The following ENO3 variants were observed in gnomAD, a reference collection of about 807,000 sequenced individuals.
The protein encoded by ENO3 is beta-enolase.
Under a neutral mutation model 47.7 loss-of-function variants are expected in ENO3, and 46 were observed. That is an observed-to-expected ratio of 0.96 (90% confidence interval 0.76 to 1.23). The LOEUF (loss-of-function observed/expected upper bound fraction) is 1.23, where lower values mean the gene tolerates loss of function less well. ENO3 is among the 50% of genes most tolerant of loss of function. ENO3 has a pLI of 0.00. For missense variants in ENO3, 575 were observed against 566.2 expected (o/e 1.02, Z -0.16); for synonymous variants, 223 against 225.9 (o/e 0.99, Z 0.11).
intron 6 of ENO3, among the ~76,000 whole-genome samples, chr17:4,954,766 A>G (rs529122088): frequency 5.3e-5 from 8 of 152,210 alleles, no homozygotes; most frequent in African/African-American, 1.7e-4. Flanking sequence ...TACAAAAATT[A>G]GCCAGGCATG....
chr17:4,954,411 G>A (rs1971651969), intron 6 of ENO3, among the ~76,000 whole-genome samples: 1 of 152,130 alleles, frequency 6.6e-6, no homozygotes, highest in African/African-American at 2.4e-5. Context: ...TGTAAAATGG[G>A]GGGTAATAAC....
At chr17:4,952,487 C>G (rs1971571378) in intron 2 of ENO3, 3 of 376,506 alleles carry the variant, frequency 8.0e-6, no homozygotes, top group African/African-American at 4.2e-5. Flanking sequence ...GGGACTACAG[C>G]TAATTTTTTG....
rs1344109073 is a variant in ENO3, at chr17:4,956,829, A to G, written c.1177-2A>G. ...CCCTCCAAATTCTTCTTCCCTCATC[A>G]GATCAAGACTGGCGCCCCCTGCCGC... On this transcript the variant is annotated splice_acceptor_variant, in intron 10 of 11. Coordinates refer to ENST00000519602, the MANE Select transcript of ENO3 (RefSeq NM_053013.4). LOFTEE classifies it high-confidence loss of function. The G allele has an allele frequency of 6.2e-7, 1 of 1,614,146 alleles. No homozygotes were observed. The highest frequency in any genetic ancestry group is 8.5e-7 in the Non-Finnish European group (1 of 1,180,028).
chr17:4,953,417 G>A (rs976191496), intron 5 of ENO3, 76 bp downstream of exon 5: 1 of 1,593,576 alleles, frequency 6.3e-7, no homozygotes, highest in African/African-American at 1.3e-5. Context: ...GAGGCCTGAT[G>A]GGTTATTTCT....
chr17:4,955,828 TCTGTCTCTGCC>T lies in ENO3; in HGVS notation c.866-81_866-71del, dbSNP rs1194633413. 4,226 of 611,446 alleles carry T rather than the reference TCTGTCTCTGCC, an allele frequency of 6.9e-3. 85 individuals are homozygous for T. The highest frequency in any genetic ancestry group is 0.069 in the African/African-American group (2,082 of 30,228). The allele number at this position is 611,446 out of a possible 1,614,324, so 37.9% of individuals were successfully genotyped here. ...TGCCTTGTCTCTGCCCTGTCTCTGC[TCTGTCTCTGCC>T]CTGTCTCTGCCCTGTCTCTGCCCTG... On this transcript the variant is annotated intron_variant, in intron 8 of 11. Transcript: ENST00000519602.
rs756000719 is a variant in ENO3, at chr17:4,951,915, G to C, written c.85+1G>C. 6.2e-7 allele frequency: 1 copy of C among 1,614,038 alleles called. No homozygotes were observed. The highest frequency in any genetic ancestry group is 8.5e-7 in the Non-Finnish European group (1 of 1,179,998). Reference sequence around the variant, plus strand: ...GAGGTGGACCTGCACACGGCCAAGGGTAACACAAGGCCCATTGGATAGGCT... The same window carrying C: ...GAGGTGGACCTGCACACGGCCAAGGCTAACACAAGGCCCATTGGATAGGCT... On this transcript the variant is annotated splice_donor_variant, in intron 2 of 11. Coordinates refer to ENST00000519602, the MANE Select transcript of ENO3 (RefSeq NM_053013.4). LOFTEE classifies it high-confidence loss of function.
upstream of ENO3, chr17:4,950,725 A>G (rs1186242973): frequency 6.2e-6 from 6 of 961,430 alleles, no homozygotes; most frequent in South Asian, 1.4e-4. Flanking sequence ...GTGGACGTCA[A>G]TCTTGCAGCC....
chr17:4,951,555 G>A (rs1971539130), intron 1 of ENO3, among the ~76,000 whole-genome samples: 1 of 152,200 alleles, frequency 6.6e-6, no homozygotes, highest in South Asian at 2.1e-4. Flanking sequence ...GGCCTAAGTG[G>A]AGGCTTGGGG....
intron 5 of ENO3, 51 bp from the exon 6 acceptor site, chr17:4,953,661 C>T (rs546352496): frequency 6.2e-7 from 1 of 1,614,146 alleles, no homozygotes; most frequent in Non-Finnish European, 8.5e-7. Flanking sequence ...GAGTAGCCAC[C>T]CCAAACCCTG....
upstream of ENO3, chr17:4,950,347 C>G (rs894171417): frequency 1.9e-5 from 3 of 157,060 alleles, no homozygotes; most frequent in Non-Finnish European, 2.8e-5. Context: ...AAAAGGCCAC[C>G]CGTCCTCGGT....
At chr17:4,953,392 G>A (rs1360830955) in intron 5 of ENO3, 51 bp downstream of exon 5, 3 of 1,610,620 alleles carry the variant, frequency 1.9e-6, no homozygotes, top group East Asian at 2.2e-5. Flanking sequence ...GAGAGATGGC[G>A]AGAGGCCATG....
upstream of ENO3, chr17:4,950,777 A>AC: frequency 2.6e-6 from 2 of 769,182 alleles, no homozygotes; most frequent in Non-Finnish European, 3.2e-6. Flanking sequence ...GGCTCAGGTT[A>AC]CCCCTGGCCT....
intron 5 of ENO3, 51 bp downstream of exon 5, chr17:4,953,392 G>C: frequency 6.2e-7 from 1 of 1,610,738 alleles, no homozygotes; most frequent in Non-Finnish European, 8.5e-7. Context: ...GAGAGATGGC[G>C]AGAGGCCATG....
At chr17:4,953,452 G>T (rs186913016) in intron 5 of ENO3, 111 bp downstream of exon 5, 22 of 1,477,394 alleles carry the variant, frequency 1.5e-5, no homozygotes, top group East Asian at 2.3e-5. Flanking sequence ...GGGTCACACC[G>T]CAGCTGGATG....
chr17:4,953,056 C>T lies in ENO3; in HGVS notation c.187C>T (p.Leu63=), dbSNP rs761281354. 1.4e-5 allele frequency: 22 copies of T among 1,614,224 alleles called. No individual in the cohort carries two copies. The highest frequency in any genetic ancestry group is 1.7e-5 in the Non-Finnish European group (20 of 1,180,046). Residue 63 remains leucine, a synonymous_variant, in exon 4 of 12, where the codon CTG becomes TTG. Coordinates refer to ENST00000519602, the MANE Select transcript of ENO3 (RefSeq NM_053013.4). ...DKGRYLGKGV[L]KAVENINNTL... ...TCATCCTCTGGCCTGTCTAGGAGTC[C>T]TGAAGGCTGTGGAGAACATCAACAA... is the stretch of plus-strand genomic sequence containing the variant.
At chr17:4,954,475 T>C (rs1485165467) in intron 6 of ENO3, among the ~76,000 whole-genome samples, 1 of 152,230 alleles carries the variant, frequency 6.6e-6, no homozygotes, top group African/African-American at 2.4e-5. Context: ...ACATGTAAAG[T>C]ACTTAGTGCG....
chr17:4,953,878 G>T (rs370082924), intron 6 of ENO3, 33 bp downstream of exon 6: 3 of 1,613,784 alleles, frequency 1.9e-6, no homozygotes, highest in Non-Finnish European at 1.7e-6. Context: ...CCCAGATCTC[G>T]CCTGGACAGA....
chr17:4,953,211 A>C (rs930161930), intron 4 of ENO3, 61 bp from the exon 5 acceptor site: 1 of 1,612,708 alleles, frequency 6.2e-7, no homozygotes, highest in Non-Finnish European at 8.5e-7. Context: ...CTTCCCCTGC[A>C]TGTGCCCTGA....
intron 1 of ENO3, 87 bp from the exon 2 acceptor site, chr17:4,951,741 G>C (rs2031798625): frequency 2.1e-6 from 3 of 1,440,128 alleles, no homozygotes; most frequent in Non-Finnish European, 2.9e-6. Flanking sequence ...TGCCTTCTTG[G>C]AGTGGGGAAG....
Sources: gnomAD v4.1 joint callset for allele counts (sites outside exome capture counted in the v4.1 genomes callset) on GRCh38, gnomAD v4.1.1 for gene constraint, MANE v1.5 for transcripts, NCBI Gene and HGNC (gene_info 2026-07-23, HGNC 2026-07-21) for gene names.